Variants in SMARCA5 observed in about 807,000 individuals in gnomAD.
SMARCA5 encodes the protein SNF2 related chromatin remodeling ATPase 5.
SMARCA5 carries 18 observed loss-of-function variants against 140.4 expected under a neutral mutation model. The observed-to-expected ratio is 0.13, with a 90% CI of 0.09 to 0.19. SMARCA5 has a LOEUF of 0.19. SMARCA5 is among the 10% of genes least tolerant of loss of function. The pLI, the probability that SMARCA5 is intolerant of heterozygous loss-of-function variation, is 1.00. For missense variants in SMARCA5, 606 were observed against 1,276.8 expected, an observed-to-expected ratio of 0.47 and a Z score of 8.01; for synonymous variants, 449 against 419.6, an observed-to-expected ratio of 1.07 and a Z score of -0.86.
chr4:143,528,521 G>A (rs1336417632), intron 7 of SMARCA5, 62 bp from the exon 8 acceptor site: 1 of 1,457,338 alleles, frequency 6.9e-7, no homozygotes, highest in Non-Finnish European at 9.3e-7. Context: ...CCAGGTCTTT[G>A]CTGTTGTAGA....
chr4:143,555,423 T>C lies in SMARCA5; in HGVS notation c.*2239T>C. Reference sequence around the variant, plus strand: ...CCACGATCACAGAACTTGATGACTGTATTTGTGACTAATTGTATAATAGTT... The same window carrying C: ...CCACGATCACAGAACTTGATGACTGCATTTGTGACTAATTGTATAATAGTT... On this transcript the variant is annotated 3_prime_UTR_variant, in exon 24 of 24. Coordinates refer to ENST00000283131, the MANE Select transcript of SMARCA5 (RefSeq NM_003601.4). The C allele has an allele frequency of 1.6e-6, 1 of 618,860 alleles. No homozygotes were observed. Among genetic ancestry groups the C allele is most frequent in the Non-Finnish European group, 3.0e-6 (1 of 333,976 alleles). 38.3% of individuals were successfully genotyped at this position (618,860 alleles called of 1,614,324 possible).
chr4:143,514,166 A>C, intron 1 of SMARCA5, 65 bp downstream of exon 1: 1 of 1,384,412 alleles, frequency 7.2e-7, no homozygotes, highest in Non-Finnish European at 9.5e-7. Context: ...CCCTCGCCGG[A>C]TCGTGGCGAT....
At chr4:143,528,118 T>C in intron 7 of SMARCA5, 95 bp downstream of exon 7, 1 of 903,566 alleles carries the variant, frequency 1.1e-6, no homozygotes, top group Non-Finnish European at 1.6e-6. Flanking sequence ...GAGATACATG[T>C]GCAGAACGTG....
At chr4:143,546,132 C>G (rs1296388671) in intron 19 of SMARCA5, 85 bp downstream of exon 19, 6 of 1,004,746 alleles carry the variant, frequency 6.0e-6, no homozygotes, top group Admixed American at 3.1e-5. Flanking sequence ...AAAATAAATA[C>G]AAGTTTCTGC....
At chr4:143,529,608 T>G (rs897092816) in intron 8 of SMARCA5, among the ~76,000 whole-genome samples, 10 of 151,976 alleles carry the variant, frequency 6.6e-5, no homozygotes, top group African/African-American at 2.2e-4. Flanking sequence ...GAAATTGCAG[T>G]TTTTTTTGCC....
rs1420163678 is a variant in SMARCA5, at chr4:143,538,582, C to G, written c.1496-8C>G. The G allele has an allele frequency of 6.2e-7, 1 of 1,610,844 alleles. No individual in the cohort carries two copies. Among genetic ancestry groups the G allele is most frequent in the African/African-American group, 1.3e-5 (1 of 74,720 alleles). On this transcript the variant is annotated splice_region_variant and splice_polypyrimidine_tract_variant and intron_variant, in intron 11 of 23. Transcript: ENST00000283131. Reference sequence around the variant, plus strand: ...CCACTGATAATAGATTGTTATATTCCCCAACAGGTTCACGAGTACTAATCT... The same window carrying G: ...CCACTGATAATAGATTGTTATATTCGCCAACAGGTTCACGAGTACTAATCT...
intron 1 of SMARCA5, chr4:143,514,393 C>CG (rs1409840383): frequency 5.6e-6 from 2 of 355,168 alleles, no homozygotes; most frequent in Non-Finnish European, 1.0e-5. Context: ...TACCGTGGCC[C>CG]GGGGGACCCA....
At chr4:143,552,960 C>CTATAA (rs1430364834) in intron 23 of SMARCA5, among the ~76,000 whole-genome samples, 159 bp from the exon 24 acceptor site, 1 of 151,814 alleles carries the variant, frequency 6.6e-6, no homozygotes, top group African/African-American at 2.4e-5. Flanking sequence ...TATTTGGAGG[C>CTATAA]TTTATAGTTT....
At chr4:143,532,148 T>A (rs1386782081) in intron 9 of SMARCA5, among the ~76,000 whole-genome samples, 1 of 152,248 alleles carries the variant, frequency 6.6e-6, no homozygotes, top group African/African-American at 2.4e-5. Flanking sequence ...TAAAGTACTT[T>A]AAAATTCTTA....
intron 1 of SMARCA5, among the ~76,000 whole-genome samples, chr4:143,516,522 T>C (rs1046612135): frequency 2.6e-5 from 4 of 152,168 alleles, no homozygotes; most frequent in South Asian, 2.1e-4. Flanking sequence ...CACTTACATA[T>C]GTAGACCAGA....
Position 143,555,868 on chromosome 4 carries a change from G to C in SMARCA5, c.*2684G>C. On this transcript the variant is annotated 3_prime_UTR_variant, in exon 24 of 24. Transcript: ENST00000283131. Reference sequence around the variant, plus strand: ...TATGTTGCCCAGTCCGGTCTCAAACGCCGACTTCAGGCAATCCTCTTGCGT... The same window carrying C: ...TATGTTGCCCAGTCCGGTCTCAAACCCCGACTTCAGGCAATCCTCTTGCGT... 6.5e-6 allele frequency: 1 copy of C among 153,118 alleles called. No individual in the cohort carries two copies. The highest frequency in any genetic ancestry group is 1.9e-4 in the East Asian group (1 of 5,214). The allele number at this position is 153,118 out of a possible 1,614,324, so 9.5% of individuals were successfully genotyped here.
chr4:143,530,341 T>A, intron 8 of SMARCA5, 117 bp from the exon 9 acceptor site: 1 of 599,404 alleles, frequency 1.7e-6, no homozygotes. Context: ...TAAGTGATTT[T>A]TTTTTGTGGG....
In SMARCA5 at chr4:143,547,033, T is replaced by A. The variant is rs974082826; in HGVS notation, c.2653+125T>A. On this transcript the variant is annotated intron_variant, in intron 20 of 23. Transcript: ENST00000283131. ...GTGTAGTTAGTACCTTCTTCATTAT[T>A]TTTTACAAATTAGAAAATGTTCTGT... is the stretch of plus-strand genomic sequence containing the variant. 3 of 854,634 alleles carry A rather than the reference T, an allele frequency of 3.5e-6. No individual in the cohort carries two copies. In the African/African-American group the frequency reaches 5.3e-5, roughly 15 times the overall value. The allele number at this position is 854,634 out of a possible 1,614,324, so 52.9% of individuals were successfully genotyped here. A position where few individuals can be genotyped will look rare whatever the true frequency, so the allele number is the denominator to read the frequency against.
rs577162520 is a variant in SMARCA5, at chr4:143,555,332, A to G, written c.*2148A>G. On this transcript the variant is annotated 3_prime_UTR_variant, in exon 24 of 24. Coordinates refer to ENST00000283131, the MANE Select transcript of SMARCA5 (RefSeq NM_003601.4). ...TCCAAAATTGCTTCAATCATTACCA[A>G]ATCTATTATAGCAATCCCCACTGCC... The G allele has an allele frequency of 4.1e-6, 3 of 733,716 alleles. No individual in the cohort carries two copies. The highest frequency in any genetic ancestry group is 7.5e-6 in the Non-Finnish European group (3 of 400,152). 45.5% of individuals were successfully genotyped at this position (733,716 alleles called of 1,614,324 possible). A position where few individuals can be genotyped will look rare whatever the true frequency, so the allele number is the denominator to read the frequency against.
chr4:143,528,103 G>A (rs572608066), intron 7 of SMARCA5, 80 bp downstream of exon 7: 1 of 1,103,702 alleles, frequency 9.1e-7, no homozygotes, highest in Non-Finnish European at 1.2e-6. Flanking sequence ...TTAACTTTAA[G>A]TTATGAGATA....
At chr4:143,548,882 G>A (rs1348439191) in intron 22 of SMARCA5, among the ~76,000 whole-genome samples, 1 of 152,106 alleles carries the variant, frequency 6.6e-6, no homozygotes, top group Non-Finnish European at 1.5e-5. Context: ...TTGTAAGACA[G>A]TGGATAGTAA....
intron 2 of SMARCA5, among the ~76,000 whole-genome samples, chr4:143,518,092 T>C (rs1400783513): frequency 6.6e-6 from 1 of 152,196 alleles, no homozygotes; most frequent in Non-Finnish European, 1.5e-5. Context: ...AGCATTGTAC[T>C]CTGCTAGTTA....
At chr4:143,522,731 T>A (rs1368279996) in intron 3 of SMARCA5, among the ~76,000 whole-genome samples, 1 of 152,200 alleles carries the variant, frequency 6.6e-6, no homozygotes, top group South Asian at 2.1e-4. Flanking sequence ...TGGAAACTAC[T>A]GTACTGAATA....
In SMARCA5 at chr4:143,514,251, C is replaced by T. The variant is rs1736774378; in HGVS notation, c.177+150C>T. 4 of 699,424 alleles carry T rather than the reference C, an allele frequency of 5.7e-6. No homozygotes were observed. The Admixed American group carries it at 9.2e-5, about 16-fold the overall frequency. 43.3% of individuals were successfully genotyped at this position (699,424 alleles called of 1,614,324 possible). ...CTGTGGATACGAAATGATGCTCTCA[C>T]TCTTGCTCCCTTGTTCTTACCCTAT... On this transcript the variant is annotated intron_variant, in intron 1 of 23. Coordinates refer to ENST00000283131, the MANE Select transcript of SMARCA5 (RefSeq NM_003601.4).
Sources: gnomAD v4.1 joint callset for allele counts (sites outside exome capture counted in the v4.1 genomes callset) on GRCh38, gnomAD v4.1.1 for gene constraint, MANE v1.5 for transcripts, NCBI Gene and HGNC (gene_info 2026-07-23, HGNC 2026-07-21) for gene names.